Variants in EYS observed in about 807,000 individuals in gnomAD.
EYS encodes EGF-like photoreceptor maintenance factor, also known as protein eyes shut homolog.
In EYS, 250 loss-of-function variants were observed where a neutral mutation model predicts 282.1. That is an observed-to-expected ratio of 0.89 (90% CI 0.80 to 0.98). The LOEUF (loss-of-function observed/expected upper bound fraction) is 0.98. Among genes scored for constraint, EYS ranks in the 50% least tolerant of loss-of-function variants. EYS has a pLI of 0.00. For synonymous variants in EYS, 1,355 were observed against 1,282.9 expected, an observed-to-expected ratio of 1.06 and a Z score of -1.20; for missense variants, 4,016 against 3,709.0, an observed-to-expected ratio of 1.08 and a Z score of -2.15.
At chr6:64,701,850 A>G (rs1304263384) in intron 22 of EYS, among the ~76,000 whole-genome samples, 1 of 152,074 alleles carries the variant, frequency 6.6e-6, no homozygotes, top group Admixed American at 6.6e-5. Context: ...TAAAAAATAA[A>G]TTGAAAAAAA....
At chr6:65,257,801 T>G (rs1371488263) in intron 12 of EYS, among the ~76,000 whole-genome samples, 2 of 151,986 alleles carry the variant, frequency 1.3e-5, no homozygotes, top group African/African-American at 4.8e-5. Flanking sequence ...TGAAAACAAT[T>G]GAATTCATGG....
chr6:65,669,543 C>G (rs1768314392), intron 1 of EYS, among the ~76,000 whole-genome samples: 1 of 151,932 alleles, frequency 6.6e-6, no homozygotes, highest in African/African-American at 2.4e-5. Flanking sequence ...ATAGCTGTCC[C>G]TCACTGGTTG....
In EYS at chr6:64,439,380, T is replaced by C. The variant is rs1260669768; in HGVS notation, c.5645-28A>G. ...GTGGAGTCAGAAAGAAAATACAATTTAGGTTGAAATAAATATTCAATACCT... is the reference window on the plus strand; with the variant it reads ...GTGGAGTCAGAAAGAAAATACAATTCAGGTTGAAATAAATATTCAATACCT... On this transcript the variant is annotated intron_variant, in intron 26 of 42. Transcript: ENST00000503581. 8 of 1,402,678 alleles carry C rather than the reference T, an allele frequency of 5.7e-6. No individual in the cohort carries two copies. The South Asian group carries it at 1.0e-4, about 18-fold the overall frequency. The allele number at this position is 1,402,678 out of a possible 1,614,324, so 86.9% of individuals were successfully genotyped here. A position where few individuals can be genotyped will look rare whatever the true frequency, so the allele number is the denominator to read the frequency against.
At chr6:64,255,322 C>T (rs1258903444) in intron 30 of EYS, among the ~76,000 whole-genome samples, 1 of 152,056 alleles carries the variant, frequency 6.6e-6, no homozygotes, top group South Asian at 2.1e-4. Flanking sequence ...TAGAAACTTC[C>T]TCAACTAAAA....
intron 30 of EYS, among the ~76,000 whole-genome samples, chr6:64,264,923 C>G (rs1355215827): frequency 6.6e-6 from 1 of 151,928 alleles, no homozygotes. Flanking sequence ...AAGAAAAGAG[C>G]TGCTAAGTCA....
intron 12 of EYS, among the ~76,000 whole-genome samples, chr6:65,093,771 C>A (rs1290702898): frequency 1.3e-5 from 2 of 151,444 alleles, no homozygotes; most frequent in Non-Finnish European, 3.0e-5. Flanking sequence ...ATTAAAAGTC[C>A]TCACTTACAA....
intron 30 of EYS, among the ~76,000 whole-genome samples, chr6:64,248,059 G>A (rs1767072742): frequency 6.6e-6 from 1 of 152,132 alleles, no homozygotes; most frequent in African/African-American, 2.4e-5. Context: ...AGAAGGAGAG[G>A]CAAAGAAGTC....
chr6:64,019,597 G>T (rs1769077364), intron 33 of EYS, among the ~76,000 whole-genome samples: 1 of 151,578 alleles, frequency 6.6e-6, no homozygotes, highest in Non-Finnish European at 1.5e-5. Context: ...TTTTAGTGGA[G>T]ACGGGGTTTC....
At position 65,319,204 on chromosome 6, in the gene EYS, C is replaced by CAAAAAAAAA. The variant is rs55687610; in HGVS notation, c.1766+15767_1766+15775dup. ...CAAAACCCCGTCTCTACTAAAAATGCAAAAAAAAAAAAAAAAAAAAAAACA... is the reference window on the plus strand; with the variant it reads ...CAAAACCCCGTCTCTACTAAAAATGCAAAAAAAAAAAAAAAAAAAAAAAAAAAAAAAACA... On this transcript the variant is annotated intron_variant, in intron 11 of 42. Coordinates refer to ENST00000503581, the MANE Select transcript of EYS (RefSeq NM_001142800.2). Among the ~76,000 whole-genome samples the CAAAAAAAAA allele has an allele frequency of 3.6e-3, 161 of 44,260 alleles. 1 individual carries two copies. Among genetic ancestry groups the CAAAAAAAAA allele is most frequent in the East Asian group, 7.1e-3 (9 of 1,264 alleles). 29.0% of individuals were successfully genotyped at this position (44,260 alleles called of 152,430 possible).
intron 12 of EYS, among the ~76,000 whole-genome samples, chr6:65,264,645 C>G (rs1272186574): frequency 2.6e-5 from 4 of 151,866 alleles, no homozygotes; most frequent in Non-Finnish European, 4.4e-5. Flanking sequence ...AAAAGGTATG[C>G]TTTGCTGGTT....
chr6:64,818,693 G>T (rs746386993), intron 21 of EYS, among the ~76,000 whole-genome samples: 25 of 152,128 alleles, frequency 1.6e-4, no homozygotes, highest in Middle Eastern at 3.2e-3. Context: ...GAAAAATGGA[G>T]GCCGGAAGAC....
chr6:65,504,661 A>T (rs1766591232), intron 2 of EYS, among the ~76,000 whole-genome samples: 1 of 151,466 alleles, frequency 6.6e-6, no homozygotes, highest in Non-Finnish European at 1.5e-5. Flanking sequence ...ATTATAAAAA[A>T]TTTTTCCTTT....
intron 19 of EYS, among the ~76,000 whole-genome samples, chr6:64,824,224 A>C (rs1457637921): frequency 1.3e-5 from 2 of 151,880 alleles, no homozygotes; most frequent in Admixed American, 1.3e-4. Flanking sequence ...GTGGCTCTTA[A>C]GTCTTTCACC....
At chr6:64,903,484 C>T (rs1386802543) in intron 16 of EYS, among the ~76,000 whole-genome samples, 1 of 152,122 alleles carries the variant, frequency 6.6e-6, no homozygotes, top group East Asian at 1.9e-4. Flanking sequence ...GTCTAGCTAC[C>T]CAGGAATAGC....
Position 64,821,689 on chromosome 6 carries a change from A to G in EYS, c.3199T>C (p.Cys1067Arg), listed in dbSNP as rs1465652785. 3 of 1,526,360 alleles carry G rather than the reference A, an allele frequency of 2.0e-6. No individual in the cohort carries two copies. Among genetic ancestry groups the G allele is most frequent in the African/African-American group, 1.4e-5 (1 of 72,172 alleles). The allele number at this position is 1,526,360 out of a possible 1,614,324, so 94.6% of individuals were successfully genotyped here. A position where few individuals can be genotyped will look rare whatever the true frequency, so the allele number is the denominator to read the frequency against. Residue 1067 changes from cysteine to arginine, a missense_variant, in exon 21 of 43, where the codon TGT becomes CGT. By Grantham distance (180) the Cys-to-Arg change is radical. Transcript: ENST00000503581. ...TGTGTGCTAGTCCCATCTGCATCAC[A>G]TGAACATGGATATTCATTAATAAGT... ...TELINEYPCS[C>R]DADGTSTQCK...
At chr6:64,984,227 C>T (rs1185377348) in intron 14 of EYS, among the ~76,000 whole-genome samples, 2 of 151,328 alleles carry the variant, frequency 1.3e-5, no homozygotes, top group Non-Finnish European at 3.0e-5. Context: ...TGACATCTCC[C>T]TTCCAATCAT....
At chr6:65,201,999 C>A (rs752917467) in intron 12 of EYS, among the ~76,000 whole-genome samples, 1 of 151,970 alleles carries the variant, frequency 6.6e-6, no homozygotes, top group African/African-American at 2.4e-5. Flanking sequence ...GTAGTCCCAG[C>A]TACTCAGGGG....
In EYS at chr6:65,205,115, A is replaced by T. The variant is rs187948860; in HGVS notation, c.2023+90748T>A. On this transcript the variant is annotated intron_variant, in intron 12 of 42. Coordinates refer to ENST00000503581, the MANE Select transcript of EYS (RefSeq NM_001142800.2). ...CTTTATATATTCTAGAAGAATATAT[A>T]TATATATCTATCTCCAACTGTCGGC... 3.8e-3 allele frequency among the ~76,000 whole-genome samples: 561 copies of T among 147,474 alleles called. 1 individual carries two copies. The highest frequency in any genetic ancestry group is 7.1e-3 in the Middle Eastern group (2 of 282).
At chr6:65,241,197 AAT>A (rs980976763) in intron 12 of EYS, among the ~76,000 whole-genome samples, 1 of 152,188 alleles carries the variant, frequency 6.6e-6, no homozygotes, top group African/African-American at 2.4e-5. Flanking sequence ...TTGTTAAAAT[AAT>A]ATGTTAAAAG....
Sources: allele counts gnomAD v4.1 joint callset (sites outside exome capture counted in the v4.1 genomes callset), GRCh38; gene constraint gnomAD v4.1.1; transcripts MANE v1.5; gene names NCBI Gene and HGNC (gene_info 2026-07-23, HGNC 2026-07-21).